Variants in TAX1BP1 observed in about 807,000 individuals in gnomAD.
The protein encoded by TAX1BP1 is tax1-binding protein 1.
A neutral mutation model predicts 97.7 loss-of-function variants in TAX1BP1; 62 were observed. The ratio of observed to expected loss-of-function variants is 0.63; its 90% CI spans 0.52 to 0.78. The LOEUF (loss-of-function observed/expected upper bound fraction) is 0.78, where lower values mean the gene tolerates loss of function less well. TAX1BP1 is among the 30% of genes least tolerant of loss of function. The pLI, the probability that TAX1BP1 is intolerant of heterozygous loss-of-function variation, is 0.00. For missense variants in TAX1BP1, 867 were observed against 916.1 expected (o/e 0.95, Z 0.69); for synonymous variants, 340 against 304.2 (o/e 1.12, Z -1.23).
chr7:27,816,407 A>G lies in TAX1BP1; in HGVS notation c.1823A>G (p.Gln608Arg). The G allele has an allele frequency of 1.3e-6, 2 of 1,586,562 alleles. No homozygotes were observed. Among genetic ancestry groups the G allele is most frequent in the East Asian group, 2.3e-5 (1 of 43,560 alleles). The change falls in exon 14 of 17, where the codon CAG (glutamine) becomes CGG (arginine). Residue 608 changes from glutamine (Q) to arginine (R), a missense_variant. Coordinates refer to ENST00000396319, the MANE Select transcript of TAX1BP1 (RefSeq NM_006024.7). ...AGGAAAATGGAAGGTCAGAATTCCC[A>G]GAGTCCTCAATGTTTCAAAACATGC... ...AERKMEGQNS[Q>R]SPQCFKTCSE... is the part of the protein sequence containing the mutation.
chr7:27,796,414 A>G (rs1055488262), intron 12 of TAX1BP1, among the ~76,000 whole-genome samples, 195 bp downstream of exon 12: 1 of 152,186 alleles, frequency 6.6e-6, no homozygotes, highest in Non-Finnish European at 1.5e-5. Context: ...GTGTAGCATC[A>G]TGAGACCTAA....
Position 27,794,451 on chromosome 7 carries a change from A to G in TAX1BP1, c.1534+5A>G, listed in dbSNP as rs1789844146. 1.2e-6 allele frequency: 2 copies of G among 1,600,056 alleles called. No homozygotes were observed. The highest frequency in any genetic ancestry group is 1.7e-6 in the Non-Finnish European group (2 of 1,173,530). The stretch of plus-strand genomic sequence containing the variant: ...TAAAGCCATCACCTTCTGCAGGTAA[A>G]AATCTTTTAGACTTTTTGTGTAGGG... On this transcript the variant is annotated splice_donor_5th_base_variant and intron_variant, in intron 11 of 16. Coordinates refer to ENST00000396319, the MANE Select transcript of TAX1BP1 (RefSeq NM_006024.7).
intron 12 of TAX1BP1, among the ~76,000 whole-genome samples, chr7:27,796,972 G>A (rs761987266): frequency 5.3e-5 from 8 of 151,630 alleles, no homozygotes; most frequent in Non-Finnish European, 8.8e-5. Flanking sequence ...TGTCTCTTAC[G>A]GTGTTTATTT....
At chr7:27,778,742 A>G (rs1233248618) in intron 5 of TAX1BP1, among the ~76,000 whole-genome samples, 4 of 152,030 alleles carry the variant, frequency 2.6e-5, no homozygotes, top group African/African-American at 9.7e-5. Flanking sequence ...ACGCACCTGT[A>G]GTCCTGCTAC....
rs763692234 is a variant in TAX1BP1 at position 27,785,340 on chromosome 7, T to G, written c.761+29T>G. 40 of 1,587,902 alleles carry G rather than the reference T, an allele frequency of 2.5e-5. No individual in the cohort carries two copies. The East Asian group carries it at 8.6e-4, about 34-fold the overall frequency. On this transcript the variant is annotated intron_variant, in intron 6 of 16. Coordinates refer to ENST00000396319, the MANE Select transcript of TAX1BP1 (RefSeq NM_006024.7). ...TTTCTCATGCTTTTAAAAAATAAAT[T>G]CAATAAAAATTTTAAAACTTTAAAA...
At chr7:27,815,333 A>C (rs1014954732) in intron 13 of TAX1BP1, among the ~76,000 whole-genome samples, 1 of 152,288 alleles carries the variant, frequency 6.6e-6, no homozygotes, top group African/African-American at 2.4e-5. Flanking sequence ...AGATTTAAAA[A>C]AAATCATGAA....
intron 11 of TAX1BP1, 31 bp from the exon 12 acceptor site, chr7:27,796,085 T>C (rs779932848): frequency 3.2e-6 from 5 of 1,551,358 alleles, no homozygotes; most frequent in Non-Finnish European, 4.4e-6. Flanking sequence ...CAAAATACTT[T>C]TTAACAGTCT....
At chr7:27,796,015 A>T in intron 11 of TAX1BP1, 101 bp from the exon 12 acceptor site, 1 of 779,392 alleles carries the variant, frequency 1.3e-6, no homozygotes, top group Non-Finnish European at 2.1e-6. Context: ...CATTCCATTT[A>T]CTATATTTTA....
intron 5 of TAX1BP1, among the ~76,000 whole-genome samples, chr7:27,781,438 A>C (rs772744190): frequency 4.0e-4 from 61 of 152,336 alleles, no homozygotes; most frequent in Admixed American, 1.6e-3. Flanking sequence ...TAGTGTACTG[A>C]ATACTGTAGG....
chr7:27,773,676 T>G (rs1315825853), intron 5 of TAX1BP1, among the ~76,000 whole-genome samples: 1 of 152,118 alleles, frequency 6.6e-6, no homozygotes, highest in Non-Finnish European at 1.5e-5. Context: ...ATGAGTATTT[T>G]TTGAAACCCC....
intron 11 of TAX1BP1, 50 bp downstream of exon 11, chr7:27,794,496 CT>C: frequency 6.8e-7 from 1 of 1,481,198 alleles, no homozygotes; most frequent in South Asian, 1.5e-5. Flanking sequence ...TTGAAAAGTA[CT>C]TATACTGCCT....
chr7:27,787,819 C>T (rs141587458), intron 8 of TAX1BP1, among the ~76,000 whole-genome samples: 1,843 of 151,912 alleles, frequency 0.012, 15 homozygotes, highest in Middle Eastern at 0.031. Context: ...TTTTTCTGAG[C>T]GATGTGAGTT....
intron 3 of TAX1BP1, among the ~76,000 whole-genome samples, chr7:27,758,978 C>G (rs1383972811): frequency 6.9e-6 from 1 of 145,490 alleles, no homozygotes; most frequent in African/African-American, 2.4e-5. Context: ...TTTTTTAGCA[C>G]AACTTAAAAA....
chr7:27,824,656 T>C (rs918875375), intron 15 of TAX1BP1, among the ~76,000 whole-genome samples: 2 of 151,556 alleles, frequency 1.3e-5, no homozygotes, highest in South Asian at 4.2e-4. Context: ...CCTGAGCAGA[T>C]AATGAGAAGT....
chr7:27,768,443 T>C (rs548000485), intron 4 of TAX1BP1, among the ~76,000 whole-genome samples: 32 of 152,170 alleles, frequency 2.1e-4, no homozygotes, highest in African/African-American at 7.7e-4. Flanking sequence ...TAAGCTTTAG[T>C]GAACTCTTGA....
intron 13 of TAX1BP1, among the ~76,000 whole-genome samples, chr7:27,806,827 A>G (rs1441959921): frequency 2.0e-5 from 3 of 152,170 alleles, no homozygotes; most frequent in Admixed American, 6.5e-5. Context: ...CATTAAGTAT[A>G]TACATTAACT....
rs540971758 is a variant in TAX1BP1 at position 27,751,862 on chromosome 7, G to A, written c.162+3176G>A. 9.9e-5 allele frequency among the ~76,000 whole-genome samples: 15 copies of A among 151,934 alleles called. No individual in the cohort carries two copies. The South Asian group carries it at 3.1e-3, about 32-fold the overall frequency. On this transcript the variant is annotated intron_variant, in intron 2 of 16. Transcript: ENST00000396319. ...GAGACTGGGTTTTGCCATGTTGCCC[G>A]GGCTGGTCTCGAACTCCTGGGCTCA...
intron 5 of TAX1BP1, among the ~76,000 whole-genome samples, chr7:27,778,905 T>C (rs1434282650): frequency 6.6e-6 from 1 of 150,998 alleles, no homozygotes; most frequent in Non-Finnish European, 1.5e-5. Flanking sequence ...TTTGTATATT[T>C]ATAGAGTCAT....
Position 27,765,908 on chromosome 7 carries a change from G to A in TAX1BP1, c.340G>A (p.Ala114Thr). 1 of 1,614,170 alleles carries A rather than the reference G, an allele frequency of 6.2e-7. No individual in the cohort carries two copies. The highest frequency in any genetic ancestry group is 8.5e-7 in the Non-Finnish European group (1 of 1,180,018). ...YVTHKGEIRG[A>T]STPFQFRASS... ...TACCCATAAGGGTGAAATTCGTGGA[G>A]CAAGTACACCTTTCCAGTTTCGAGC... The change falls in exon 4 of 17, where the codon GCA becomes ACA. Residue 114 changes from alanine (A) to threonine (T), a missense_variant. Around this residue, in one of 3 missense-constraint regions of TAX1BP1, gnomAD observed 822 missense variants for 851.4 expected, o/e 0.97. Transcript: ENST00000396319.
Sources: gnomAD v4.1 joint callset for allele counts (sites outside exome capture counted in the v4.1 genomes callset) on GRCh38, gnomAD v4.1.1 for gene constraint, gnomAD v4.1.1 regional missense constraint, MANE v1.5 for transcripts, NCBI Gene and HGNC (gene_info 2026-07-23, HGNC 2026-07-21) for gene names.